The following RAD51B variants were observed in gnomAD, a reference collection of about 807,000 sequenced individuals.
The protein encoded by RAD51B is RAD51 paralog B.
A neutral mutation model predicts 42.2 loss-of-function variants in RAD51B; 38 were observed. The ratio of observed to expected loss-of-function variants is 0.90; its 90% CI spans 0.70 to 1.18. The LOEUF is 1.18. Ranked by LOEUF, RAD51B falls within the 50% of genes most tolerant of loss-of-function variation. The pLI is 0.00. For missense variants in RAD51B, 373 were observed against 400.7 expected, an observed-to-expected ratio of 0.93 and a Z score of 0.59; for synonymous variants, 154 against 145.2, an observed-to-expected ratio of 1.06 and a Z score of -0.43.
At chr14:68,201,173 G>T (rs1418619989) in intron 7 of RAD51B, among the ~76,000 whole-genome samples, 1 of 152,088 alleles carries the variant, frequency 6.6e-6, no homozygotes, top group African/African-American at 2.4e-5. Flanking sequence ...TTTTTCTCAA[G>T]TACTGTTACA....
intron 8 of RAD51B, among the ~76,000 whole-genome samples, chr14:68,312,619 C>G (rs920247099): frequency 9.2e-5 from 14 of 152,144 alleles, no homozygotes; most frequent in Non-Finnish European, 1.9e-4. Flanking sequence ...CTCAATTAAA[C>G]TAAAATGCCT....
intron 7 of RAD51B, among the ~76,000 whole-genome samples, chr14:68,156,133 G>A (rs1182184043): frequency 6.6e-6 from 1 of 152,220 alleles, no homozygotes; most frequent in Admixed American, 6.5e-5. Context: ...CTCTGTCAGA[G>A]CAGCACTGGT....
chr14:68,640,865 A>T (rs1021229423), intron 10 of RAD51B, among the ~76,000 whole-genome samples: 2 of 152,228 alleles, frequency 1.3e-5, no homozygotes, highest in African/African-American at 4.8e-5. Flanking sequence ...GTGCTGGGAA[A>T]TGGCTGAGCT....
intron 11 of RAD51B, among the ~76,000 whole-genome samples, chr14:68,661,436 A>T (rs1336836016): frequency 1.3e-5 from 2 of 152,088 alleles, no homozygotes; most frequent in Non-Finnish European, 1.5e-5. Context: ...GACTTGTTTG[A>T]GATCTTACAG....
At chr14:68,399,391 G>A (rs1387908380) in intron 8 of RAD51B, among the ~76,000 whole-genome samples, 1 of 151,520 alleles carries the variant, frequency 6.6e-6, no homozygotes, top group African/African-American at 2.4e-5. Flanking sequence ...CGAGTAGCTG[G>A]GACTACAGGC....
At chr14:68,112,606 T>C (rs1453558041) in intron 7 of RAD51B, among the ~76,000 whole-genome samples, 1 of 152,158 alleles carries the variant, frequency 6.6e-6, no homozygotes, top group Non-Finnish European at 1.5e-5. Context: ...GTGATCATGC[T>C]GGGGTGATTG....
intron 7 of RAD51B, among the ~76,000 whole-genome samples, chr14:68,060,685 A>C (rs2076553528): frequency 6.6e-6 from 1 of 152,192 alleles, no homozygotes; most frequent in African/African-American, 2.4e-5. Flanking sequence ...AGACACTGAA[A>C]GTTTTCAGCA....
intron 11 of RAD51B, among the ~76,000 whole-genome samples, chr14:68,652,560 G>C (rs190491679): frequency 6.6e-6 from 1 of 152,252 alleles, no homozygotes; most frequent in Admixed American, 6.5e-5. Flanking sequence ...TCACTTACTC[G>C]CTTTGTCCAG....
chr14:68,654,427 G>A (rs1225708079), intron 11 of RAD51B, among the ~76,000 whole-genome samples: 3 of 152,202 alleles, frequency 2.0e-5, no homozygotes, highest in Non-Finnish European at 4.4e-5. Flanking sequence ...GAGATGTCTG[G>A]TGGACAGAAC....
intron 4 of RAD51B, among the ~76,000 whole-genome samples, chr14:67,860,949 T>C (rs1332495858): frequency 6.6e-6 from 1 of 152,186 alleles, no homozygotes; most frequent in African/African-American, 2.4e-5. Context: ...ATCCTAGTAC[T>C]TTGGGAGGCC....
chr14:68,199,659 T>A (rs2079443424), intron 7 of RAD51B, among the ~76,000 whole-genome samples: 1 of 152,176 alleles, frequency 6.6e-6, no homozygotes, highest in Non-Finnish European at 1.5e-5. Flanking sequence ...TCTCATTCCG[T>A]CCTCCCCCTT....
At chr14:68,047,681 T>C (rs144275460) in intron 7 of RAD51B, among the ~76,000 whole-genome samples, 3 of 152,324 alleles carry the variant, frequency 2.0e-5, no homozygotes, top group African/African-American at 7.2e-5. Flanking sequence ...ATTTTACAAA[T>C]ATTAATATTA....
chr14:68,544,218 G>A (rs1462678476), intron 10 of RAD51B, among the ~76,000 whole-genome samples: 1 of 152,200 alleles, frequency 6.6e-6, no homozygotes, highest in Admixed American at 6.5e-5. Flanking sequence ...ATGAACCCCA[G>A]TGTTGAAGAC....
intron 7 of RAD51B, among the ~76,000 whole-genome samples, chr14:68,183,404 C>T (rs1460068251): frequency 6.6e-6 from 1 of 152,198 alleles, no homozygotes; most frequent in African/African-American, 2.4e-5. Context: ...CTGCCTGCTT[C>T]TTTCTAGCCA....
intron 7 of RAD51B, among the ~76,000 whole-genome samples, chr14:68,187,017 A>G (rs2079171869): frequency 6.6e-6 from 1 of 152,228 alleles, no homozygotes; most frequent in Non-Finnish European, 1.5e-5. Flanking sequence ...ATGGAATACT[A>G]TGCAGCCATA....
At chr14:68,193,431 C>T (rs2079306484) in intron 7 of RAD51B, among the ~76,000 whole-genome samples, 1 of 152,150 alleles carries the variant, frequency 6.6e-6, no homozygotes, top group Non-Finnish European at 1.5e-5. Flanking sequence ...ACCATATCTT[C>T]AAGCAGCCTC....
At chr14:68,465,200 C>T (rs2085944441) in intron 9 of RAD51B, among the ~76,000 whole-genome samples, 2 of 152,202 alleles carry the variant, frequency 1.3e-5, no homozygotes, top group African/African-American at 4.8e-5. Flanking sequence ...TACATACAGA[C>T]AACAAAGATC....
chr14:67,973,136 C>T (rs1186427667), intron 7 of RAD51B, among the ~76,000 whole-genome samples: 1 of 152,126 alleles, frequency 6.6e-6, no homozygotes, highest in Non-Finnish European at 1.5e-5. Context: ...CTGAAAGGTA[C>T]ACCCTGGTAA....
At chr14:68,144,490 A>G (rs1404873921) in intron 7 of RAD51B, among the ~76,000 whole-genome samples, 8 of 152,248 alleles carry the variant, frequency 5.3e-5, no homozygotes, top group Non-Finnish European at 7.3e-5. Flanking sequence ...TAATATGGAA[A>G]GCAAAACAAG....
Sources: allele counts gnomAD v4.1 joint callset (sites outside exome capture counted in the v4.1 genomes callset), GRCh38; gene constraint gnomAD v4.1.1; transcripts MANE v1.5; gene names NCBI Gene and HGNC (gene_info 2026-07-23, HGNC 2026-07-21).